TNRC6B: variants seen among roughly 807,000 people sequenced by gnomAD.
The protein encoded by TNRC6B is trinucleotide repeat containing adaptor 6B.
Under a neutral mutation model 203.6 loss-of-function variants are expected in TNRC6B, and 52 were observed. The observed-to-expected ratio is 0.26, with a 90% CI of 0.20 to 0.32. The LOEUF is 0.32. Ranked by LOEUF, TNRC6B falls within the 10% of genes least tolerant of loss-of-function variation. TNRC6B has a pLI of 1.00. For missense variants in TNRC6B, 1,923 were observed against 2,286.2 expected, an observed-to-expected ratio of 0.84 and a Z score of 3.24; for synonymous variants, 838 against 845.7, an observed-to-expected ratio of 0.99 and a Z score of 0.16.
intron 7 of TNRC6B, among the ~76,000 whole-genome samples, chr22:40,274,136 G>A (rs968127572): frequency 6.6e-6 from 1 of 152,140 alleles, no homozygotes; most frequent in Non-Finnish European, 1.5e-5. Context: ...AAAGATACGA[G>A]ATATTTTTCA....
At chr22:40,292,747 G>A (rs752935028) in intron 12 of TNRC6B, among the ~76,000 whole-genome samples, 1 of 152,182 alleles carries the variant, frequency 6.6e-6, no homozygotes, top group Non-Finnish European at 1.5e-5. Flanking sequence ...CTTTGGAGAG[G>A]GGCAGTACAT....
At chr22:40,156,428 C>T (rs2146353612) in intron 4 of TNRC6B, among the ~76,000 whole-genome samples, 1 of 152,256 alleles carries the variant, frequency 6.6e-6, no homozygotes, top group Admixed American at 6.5e-5. Flanking sequence ...GTAGCAAAGG[C>T]TTTAAGGCTC....
chr22:40,256,037 A>G (rs1259669975), intron 3 of TNRC6B, among the ~76,000 whole-genome samples: 1 of 152,202 alleles, frequency 6.6e-6, no homozygotes, highest in African/African-American at 2.4e-5. Context: ...TATTTTTAGT[A>G]GAGACGGGGT....
chr22:40,324,869 T>A lies in TNRC6B; in HGVS notation c.*1628T>A, dbSNP rs1305996657. The stretch of plus-strand genomic sequence containing the variant: ...AATTTCGGTATTTAAATACTTTTTT[T>A]TTTTTTTAAGCATCAATGTAGTAGT... On this transcript the variant is annotated 3_prime_UTR_variant, in exon 23 of 23. Transcript: ENST00000454349. 1 of 152,628 alleles carries A rather than the reference T, an allele frequency of 6.6e-6. No homozygotes were observed. The highest frequency in any genetic ancestry group is 2.4e-5 in the African/African-American group (1 of 41,430). 9.5% of individuals were successfully genotyped at this position (152,628 alleles called of 1,614,324 possible).
chr22:40,233,616 G>A (rs529567845), intron 1 of TNRC6B, among the ~76,000 whole-genome samples: 4 of 150,524 alleles, frequency 2.7e-5, no homozygotes, highest in African/African-American at 2.4e-5. Flanking sequence ...GCAAGACTCC[G>A]TCTCAAAAAA....
intron 7 of TNRC6B, among the ~76,000 whole-genome samples, chr22:40,274,562 A>G (rs1393940666): frequency 6.6e-6 from 1 of 152,008 alleles, no homozygotes; most frequent in Non-Finnish European, 1.5e-5. Context: ...CTGGGACTAC[A>G]GGCAGCTGCC....
intron 3 of TNRC6B, among the ~76,000 whole-genome samples, chr22:40,142,225 A>ATT (rs36034249): frequency 7.0e-6 from 1 of 143,000 alleles, no homozygotes; most frequent in African/African-American, 2.6e-5. Flanking sequence ...CGCCTAGCTA[A>ATT]TTTTTTTTTT....
intron 1 of TNRC6B, among the ~76,000 whole-genome samples, chr22:40,092,626 A>G (rs2068159145): frequency 6.6e-6 from 1 of 152,104 alleles, no homozygotes; most frequent in Admixed American, 6.5e-5. Flanking sequence ...CTCCCACTTC[A>G]GCCTCCCAAG....
At chr22:40,214,435 T>A (rs998661255) in intron 1 of TNRC6B, among the ~76,000 whole-genome samples, 1 of 152,206 alleles carries the variant, frequency 6.6e-6, no homozygotes, top group East Asian at 1.9e-4. Flanking sequence ...ATTTTATCAA[T>A]GTCAGTTTCT....
At chr22:40,173,771 G>T (rs1601858459), upstream of TNRC6B, among the ~76,000 whole-genome samples, 3 of 45,618 alleles carry the variant, frequency 6.6e-5, no homozygotes, top group Admixed American at 2.5e-4. Context: ...CTAGATTTTT[G>T]AACATATATA....
chr22:40,076,662 C>CGAT (rs2068016660), intron 1 of TNRC6B, among the ~76,000 whole-genome samples: 1 of 152,050 alleles, frequency 6.6e-6, no homozygotes, highest in Non-Finnish European at 1.5e-5. Flanking sequence ...CTAAGCCTCT[C>CGAT]AAAGTGGTGT....
intron 4 of TNRC6B, among the ~76,000 whole-genome samples, chr22:40,263,371 A>G (rs1458515459): frequency 1.3e-5 from 2 of 152,184 alleles, no homozygotes; most frequent in African/African-American, 4.8e-5. Context: ...AGCCCTACCC[A>G]TGGCCTTTCC....
chr22:40,301,585 T>G (rs34382227), intron 15 of TNRC6B: 165,795 of 489,994 alleles, frequency 0.34, 28,258 homozygotes, highest in Admixed American at 0.44. Flanking sequence ...TTCCTTTTTT[T>G]TGTGTGTGTG....
intron 1 of TNRC6B, among the ~76,000 whole-genome samples, chr22:40,237,869 C>T (rs1415158028): frequency 2.0e-5 from 3 of 151,808 alleles, no homozygotes; most frequent in African/African-American, 7.3e-5. Context: ...CATTGCCTGG[C>T]GTTGTGTGTG....
rs1273916696 is a variant in TNRC6B at position 40,265,925 on chromosome 22, AG to A, written c.1697del (p.Gly566GlufsTer43). On this transcript the variant is annotated frameshift_variant, in exon 5 of 23. Coordinates refer to ENST00000454349, the MANE Select transcript of TNRC6B (RefSeq NM_001162501.2). LOFTEE classifies it high-confidence loss of function. The part of the protein sequence containing the change: ...PCWGRSSSST[G>X]SEVGGQSTGS... The stretch of plus-strand genomic sequence containing the variant: ...GTTGGGGAAGATCTTCCAGCTCCAC[AG>A]GAAGTGAAGTTGGAGGTCAAAGCAC... The A allele has an allele frequency of 6.2e-7, 1 of 1,614,038 alleles. No individual in the cohort carries two copies. The highest frequency in any genetic ancestry group is 8.5e-7 in the Non-Finnish European group (1 of 1,179,902).
At chr22:40,253,719 G>A (rs1429669936) in intron 3 of TNRC6B, 1 of 456,284 alleles carries the variant, frequency 2.2e-6, no homozygotes, top group African/African-American at 2.0e-5. Context: ...TGTTAAGACT[G>A]TAAACAGAGG....
chr22:40,201,335 A>G (rs996488612), intron 1 of TNRC6B, among the ~76,000 whole-genome samples: 5 of 152,156 alleles, frequency 3.3e-5, no homozygotes, highest in African/African-American at 1.2e-4. Context: ...CTTGAGCAGT[A>G]TGAGATAAAT....
chr22:40,199,942 G>T (rs1184141695), intron 1 of TNRC6B, among the ~76,000 whole-genome samples: 1 of 152,010 alleles, frequency 6.6e-6, no homozygotes, highest in African/African-American at 2.4e-5. Context: ...TGGGATTAAG[G>T]CATGTGCCAC....
At chr22:40,277,350 G>A (rs944598366) in intron 8 of TNRC6B, among the ~76,000 whole-genome samples, 199 bp downstream of exon 8, 3 of 152,046 alleles carry the variant, frequency 2.0e-5, no homozygotes, top group Non-Finnish European at 4.4e-5. Context: ...AAAGGTTATG[G>A]CTTTTAAATG....
Sources: gnomAD v4.1 joint callset for allele counts (sites outside exome capture counted in the v4.1 genomes callset) on GRCh38, gnomAD v4.1.1 for gene constraint, MANE v1.5 for transcripts, NCBI Gene and HGNC (gene_info 2026-07-23, HGNC 2026-07-21) for gene names.